UGT2B7: variants seen among roughly 807,000 people sequenced by gnomAD.
UGT2B7 encodes the protein UDP-glucuronosyltransferase 2B7.
A neutral mutation model predicts 51.9 loss-of-function variants in UGT2B7; 51 were observed. That is an observed-to-expected ratio of 0.98 (90% CI 0.78 to 1.24). The LOEUF (loss-of-function observed/expected upper bound fraction) is 1.24. Among genes scored for constraint, UGT2B7 ranks in the 50% most tolerant of loss-of-function variants. UGT2B7 has a pLI of 0.00. For missense variants in UGT2B7, 727 were observed against 628.4 expected (o/e 1.16, Z -1.68); for synonymous variants, 225 against 211.6 (o/e 1.06, Z -0.55).
Position 69,096,704 on chromosome 4 carries a change from A to G in UGT2B7, c.184A>G (p.Ile62Val), listed in dbSNP as rs1719239826. The G allele has an allele frequency of 3.1e-6, 5 of 1,614,018 alleles. No homozygotes were observed. Among genetic ancestry groups the G allele is most frequent in the Non-Finnish European group, 3.4e-6 (4 of 1,179,930 alleles). ...EVTVLASSAS[I>V]LFDPNNSSAL... ...GACTGTACTGGCATCTTCAGCTTCC[A>G]TTCTTTTTGATCCCAACAACTCATC... is the stretch of plus-strand genomic sequence containing the variant. The change falls in exon 1 of 6, where the codon ATT becomes GTT. Residue 62 changes from isoleucine to valine, a missense_variant. Physicochemically the swap from Ile to Val is conservative, Grantham distance 29. Coordinates refer to ENST00000305231, the MANE Select transcript of UGT2B7 (RefSeq NM_001074.4).
intron 1 of UGT2B7, among the ~76,000 whole-genome samples, chr4:69,086,372 T>G (rs937525636): frequency 1.3e-5 from 2 of 151,844 alleles, no homozygotes; most frequent in East Asian, 1.9e-4. Flanking sequence ...TTAAAAAAAT[T>G]TAAGACTTAT....
rs749742372 is a variant in UGT2B7 at position 69,096,948 on chromosome 4, C to A, written c.428C>A (p.Ser143Ter). The change falls in exon 1 of 6, where the codon TCA becomes TAA. Residue 143 changes from serine to a stop codon, truncating the protein, a stop_gained. Coordinates refer to ENST00000305231, the MANE Select transcript of UGT2B7 (RefSeq NM_001074.4). LOFTEE classifies it high-confidence loss of function. ...NKKFMKKVQESRFDVIFADAI... is the reference protein window; with the variant it reads ...NKKFMKKVQE ...AAATTTATGAAAAAAGTACAAGAGT[C>A]AAGATTTGACGTCATTTTTGCAGAT... is the stretch of plus-strand genomic sequence containing the variant. 1.9e-6 allele frequency: 3 copies of A among 1,613,212 alleles called. No individual in the cohort carries two copies. The Admixed American group carries it at 5.0e-5, about 27-fold the overall frequency.
In UGT2B7 at chr4:69,055,528, A is replaced by T. The variant is rs146265819; in HGVS notation, c.-159+3926A>T. On this transcript the variant is annotated intron_variant, in intron 1 of 5. Coordinates refer to the UGT2B7 transcript ENST00000502942. ...CTAATAAAAGAAGAAGTTCAAGAAC[A>T]CTATCCAGAACCAGTATTTCAGACT... is the stretch of plus-strand genomic sequence containing the variant. 4.9e-4 allele frequency among the ~76,000 whole-genome samples: 75 copies of T among 152,334 alleles called. 2 individuals carry two copies. The East Asian group carries it at 0.013, about 27-fold the overall frequency.
intron 3 of UGT2B7, among the ~76,000 whole-genome samples, chr4:69,105,591 T>TA: frequency 6.6e-6 from 1 of 152,318 alleles, no homozygotes; most frequent in African/African-American, 2.4e-5. Flanking sequence ...TTCAGCAAGA[T>TA]ACAATTTTGA....
intron 1 of UGT2B7, among the ~76,000 whole-genome samples, chr4:69,064,112 A>AAGAAAGAGAGAGAAAG (rs754723956): frequency 2.3e-5 from 2 of 86,802 alleles, no homozygotes; most frequent in Admixed American, 1.1e-4. Flanking sequence ...GAAAGAAAGA[A>AAGAAAGAGAGAGAAAG]AAAGAAAGAA....
chr4:69,054,169 G>T (rs1718120358), intron 1 of UGT2B7, among the ~76,000 whole-genome samples: 1 of 151,742 alleles, frequency 6.6e-6, no homozygotes. Flanking sequence ...ACTCATGTCG[G>T]CCCCAGCCCT....
chr4:69,084,793 G>T (rs1183370425), intron 1 of UGT2B7, among the ~76,000 whole-genome samples: 1 of 152,128 alleles, frequency 6.6e-6, no homozygotes, highest in South Asian at 2.1e-4. Flanking sequence ...CAAAGGGCAT[G>T]AACTCATTCT....
At chr4:69,104,926 C>G (rs1482756415) in intron 3 of UGT2B7, among the ~76,000 whole-genome samples, 20 of 152,126 alleles carry the variant, frequency 1.3e-4, no homozygotes, top group Admixed American at 1.3e-3. Flanking sequence ...AGAGGTGTAT[C>G]TGAGTAATGT....
chr4:69,086,103 A>G (rs1718949714), intron 1 of UGT2B7, among the ~76,000 whole-genome samples: 1 of 151,482 alleles, frequency 6.6e-6, no homozygotes, highest in Admixed American at 6.6e-5. Context: ...TATTTAAGAT[A>G]TTTCTGCATT....
chr4:69,078,739 A>C (rs186734837), intron 1 of UGT2B7, among the ~76,000 whole-genome samples: 151 of 152,210 alleles, frequency 9.9e-4, no homozygotes, highest in African/African-American at 3.3e-3. Flanking sequence ...TTCAGATGAA[A>C]GTGAGAACGC....
At chr4:69,065,499 C>T (rs1718463200) in intron 1 of UGT2B7, among the ~76,000 whole-genome samples, 1 of 152,158 alleles carries the variant, frequency 6.6e-6, no homozygotes, top group Admixed American at 6.5e-5. Context: ...AACTGTCAAT[C>T]ACTATTTTTA....
upstream of UGT2B7, among the ~76,000 whole-genome samples, chr4:69,091,822 C>T (rs1719091816): frequency 6.6e-6 from 1 of 152,200 alleles, no homozygotes; most frequent in Admixed American, 6.5e-5. Context: ...TTACTTACTA[C>T]AGGCTTTTCT....
intron 3 of UGT2B7, among the ~76,000 whole-genome samples, chr4:69,104,017 G>C (rs6600886): frequency 1.3e-5 from 2 of 151,922 alleles, no homozygotes; most frequent in Non-Finnish European, 2.9e-5. Context: ...GGCCAGGCAC[G>C]GTAGCTCACG....
At chr4:69,080,706 T>A (rs1267271287) in intron 1 of UGT2B7, among the ~76,000 whole-genome samples, 1 of 152,140 alleles carries the variant, frequency 6.6e-6, no homozygotes, top group East Asian at 1.9e-4. Flanking sequence ...AAGCATAGCT[T>A]CATCTGAAAA....
intron 5 of UGT2B7, among the ~76,000 whole-genome samples, chr4:69,109,419 A>T (rs1297465413): frequency 1.3e-5 from 2 of 152,074 alleles, no homozygotes; most frequent in Non-Finnish European, 2.9e-5. Context: ...ACTTTTTGTT[A>T]CAGCCTTCTT....
intron 2 of UGT2B7, among the ~76,000 whole-genome samples, chr4:69,099,141 G>C (rs7434332): frequency 0.58 from 87,337 of 151,152 alleles, 26,197 homozygotes; most frequent in African/African-American, 0.71. Context: ...AAGGAAAAAC[G>C]CAATACCAAG....
At position 69,111,044 on chromosome 4, in the gene UGT2B7, G is replaced by C. The variant is rs375778982; in HGVS notation, c.1311-1413G>C. On this transcript the variant is annotated intron_variant, in intron 5 of 5. Coordinates refer to ENST00000305231, the MANE Select transcript of UGT2B7 (RefSeq NM_001074.4). The stretch of plus-strand genomic sequence containing the variant: ...CTCTTAGAGGTAACATTAGAAGGAA[G>C]CCACAAGAAGGGAGAGAAGCATTCC... Among the ~76,000 whole-genome samples, 51 of 152,240 alleles carry C rather than the reference G, an allele frequency of 3.3e-4. No individual in the cohort carries two copies. The South Asian group carries it at 5.2e-3, about 15-fold the overall frequency.
At chr4:69,087,723 A>AT (rs35783431) in intron 1 of UGT2B7, among the ~76,000 whole-genome samples, 87,436 of 151,476 alleles carry the variant, frequency 0.58, 26,232 homozygotes, top group African/African-American at 0.71. Context: ...TGCATGGCAG[A>AT]TTTTTTTCAG....
At chr4:69,094,129 C>CTTTTTTT (rs71204074), upstream of UGT2B7, among the ~76,000 whole-genome samples, 9 of 54,092 alleles carry the variant, frequency 1.7e-4, no homozygotes, top group Admixed American at 6.7e-4. Flanking sequence ...GTTTTGGTTT[C>CTTTTTTT]TTTTTTTTTT....
Sources: gnomAD v4.1 joint callset for allele counts (sites outside exome capture counted in the v4.1 genomes callset) on GRCh38, gnomAD v4.1.1 for gene constraint, MANE v1.5 for transcripts, NCBI Gene and HGNC (gene_info 2026-07-23, HGNC 2026-07-21) for gene names.